The following MIDEAS variants were observed in gnomAD, a reference collection of about 807,000 sequenced individuals.
MIDEAS encodes mitotic deacetylase associated SANT domain protein.
MIDEAS carries 26 observed loss-of-function variants against 102.7 expected under a neutral mutation model. That is an observed-to-expected ratio of 0.25 (90% confidence interval 0.19 to 0.35). MIDEAS has a LOEUF of 0.35. Ranked by LOEUF, MIDEAS falls within the 10% of genes least tolerant of loss-of-function variation. MIDEAS has a pLI of 1.00. For synonymous variants in MIDEAS, 585 were observed against 591.0 expected, an observed-to-expected ratio of 0.99 and a Z score of 0.15; for missense variants, 1,231 against 1,435.6, an observed-to-expected ratio of 0.86 and a Z score of 2.30.
chr14:73,779,834 T>C (rs42976), intron 1 of MIDEAS, among the ~76,000 whole-genome samples: 12 of 134,726 alleles, frequency 8.9e-5, no homozygotes, highest in South Asian at 2.5e-4. Context: ...GCCTCGGCCT[T>C]CCAAAGTGCT....
intron 1 of MIDEAS, among the ~76,000 whole-genome samples, chr14:73,785,248 T>C (rs956949055): frequency 2.0e-5 from 3 of 152,210 alleles, no homozygotes; most frequent in African/African-American, 7.2e-5. Flanking sequence ...GTTTTAAATC[T>C]CTCTATACAA....
At chr14:73,722,528 T>C in intron 10 of MIDEAS, 170 bp downstream of exon 10, 1 of 635,752 alleles carries the variant, frequency 1.6e-6, no homozygotes, top group Non-Finnish European at 2.7e-6. Context: ...ACACCAGCAG[T>C]ATAGAGAGGA....
intron 1 of MIDEAS, among the ~76,000 whole-genome samples, chr14:73,778,900 T>A (rs1185895099): frequency 1.3e-5 from 2 of 152,040 alleles, no homozygotes; most frequent in Admixed American, 1.3e-4. Context: ...TATGATGATT[T>A]CCTAACTTAC....
At chr14:73,779,828 C>T (rs1196755951) in intron 1 of MIDEAS, among the ~76,000 whole-genome samples, 14 of 148,666 alleles carry the variant, frequency 9.4e-5, no homozygotes, top group African/African-American at 3.5e-4. Flanking sequence ...CCACCCGCCT[C>T]GGCCTTCCAA....
At chr14:73,719,842 C>G (rs1272239701) in intron 11 of MIDEAS, among the ~76,000 whole-genome samples, 1 of 151,270 alleles carries the variant, frequency 6.6e-6, no homozygotes, top group Non-Finnish European at 1.5e-5. Context: ...ATGCCCTGTT[C>G]TATAAATGAG....
chr14:73,776,995 G>A lies in MIDEAS; in HGVS notation c.-248+10107C>T, dbSNP rs533968023. Among the ~76,000 whole-genome samples, 7 of 151,996 alleles carry A rather than the reference G, an allele frequency of 4.6e-5. 1 individual carries two copies. Among genetic ancestry groups the A allele is most frequent in the East Asian group, 3.9e-4 (2 of 5,144 alleles). On this transcript the variant is annotated intron_variant, in intron 1 of 11. Coordinates refer to the MIDEAS transcript ENST00000394071. ...CTGAGGCACAGAATAGTTTGAACCC[G>A]GGAGGCGGAGGTTGCAGTGAGCCGA... is the stretch of plus-strand genomic sequence containing the variant.
At chr14:73,778,403 T>G (rs897009184) in intron 1 of MIDEAS, among the ~76,000 whole-genome samples, 4 of 149,750 alleles carry the variant, frequency 2.7e-5, no homozygotes, top group African/African-American at 9.8e-5. Context: ...ACGACTGTTG[T>G]GGTTACAGCT....
intron 1 of MIDEAS, among the ~76,000 whole-genome samples, chr14:73,774,919 C>T (rs1311969960): frequency 6.6e-6 from 1 of 152,038 alleles, no homozygotes; most frequent in African/African-American, 2.4e-5. Flanking sequence ...GTGCCAGCCA[C>T]AGATCCAAGG....
At position 73,781,734 on chromosome 14, in the gene MIDEAS, C is replaced by CAAAAA. The variant is rs72374466; in HGVS notation, c.-248+5363_-248+5367dup. ...GGGCAACAAGAGCGAAACTCTGTCT[C>CAAAAA]AAAAAAAAAAAAAAAAAAAAAACTG... is the stretch of plus-strand genomic sequence containing the variant. On this transcript the variant is annotated intron_variant, in intron 1 of 11. Transcript: ENST00000394071. Among the ~76,000 whole-genome samples the CAAAAA allele has an allele frequency of 8.2e-3, 599 of 73,434 alleles. 49 individuals are homozygous for CAAAAA. The highest frequency in any genetic ancestry group is 0.032 in the African/African-American group (513 of 16,282). 48.2% of individuals were successfully genotyped at this position (73,434 alleles called of 152,430 possible).
chr14:73,721,812 A>T (rs2052999545), intron 10 of MIDEAS, among the ~76,000 whole-genome samples: 1 of 152,122 alleles, frequency 6.6e-6, no homozygotes. Flanking sequence ...CTCGGCAATG[A>T]TGTGGTGAGC....
Position 73,721,411 on chromosome 14 carries a change from C to T in MIDEAS, c.2823G>A (p.Glu941=). 4 of 1,614,180 alleles carry T rather than the reference C, an allele frequency of 2.5e-6. No individual in the cohort carries two copies. The highest frequency in any genetic ancestry group is 3.4e-6 in the Non-Finnish European group (4 of 1,180,026). The change falls in exon 11 of 13, where the codon GAG becomes GAA. Residue 941 remains glutamate (E), a synonymous_variant. Coordinates refer to ENST00000423556, the MANE Select transcript of MIDEAS (RefSeq NM_001367710.1). ...GGATCTCTGGCACCTCCTCCTCCCCCTCCTTCCTGGGCTCCTTCACCTCCC... is the reference window on the plus strand; with the variant it reads ...GGATCTCTGGCACCTCCTCCTCCCCTTCCTTCCTGGGCTCCTTCACCTCCC... The part of the protein sequence containing the change: ...PKREVKEPRK[E]GEEEVPEIQE...
chr14:73,749,023 C>T (rs1196399794), intron 1 of MIDEAS, among the ~76,000 whole-genome samples: 1 of 152,038 alleles, frequency 6.6e-6, no homozygotes. Context: ...TTTATACATA[C>T]ACATGAGAGA....
chr14:73,746,535 G>T (rs1027152841), intron 1 of MIDEAS, among the ~76,000 whole-genome samples: 1 of 152,150 alleles, frequency 6.6e-6, no homozygotes, highest in Non-Finnish European at 1.5e-5. Context: ...TCCTGGGACC[G>T]CTGGGGTCCT....
At chr14:73,741,244 C>T (rs1009856693) in intron 1 of MIDEAS, among the ~76,000 whole-genome samples, 2 of 152,188 alleles carry the variant, frequency 1.3e-5, no homozygotes, top group East Asian at 1.9e-4. Flanking sequence ...ATTTTTGTTT[C>T]GTAACTTGAT....
rs1020113800 is a variant in MIDEAS at position 73,725,245 on chromosome 14, T to C, written c.2574+27A>G. 2 of 1,601,792 alleles carry C rather than the reference T, an allele frequency of 1.2e-6. No homozygotes were observed. Among genetic ancestry groups the C allele is most frequent in the African/African-American group, 1.3e-5 (1 of 74,688 alleles). ...TCACACAGGCAGCTCCTGGCCCTCATTTGCCCTGAAACAGAGCCCAGCTCA... is the reference window on the plus strand; with the variant it reads ...TCACACAGGCAGCTCCTGGCCCTCACTTGCCCTGAAACAGAGCCCAGCTCA... On this transcript the variant is annotated intron_variant, in intron 9 of 12. Transcript: ENST00000423556. This position sits in a 1 kb window ranked among gnomAD's most constrained non-coding sequence, Gnocchi z 4.1.
chr14:73,749,761 CT>C (rs2053399041), intron 1 of MIDEAS, among the ~76,000 whole-genome samples: 1 of 151,958 alleles, frequency 6.6e-6, no homozygotes, highest in African/African-American at 2.4e-5. Flanking sequence ...ATTTGGGAAA[CT>C]TACAGGAAAC....
intron 10 of MIDEAS, chr14:73,722,415 G>T (rs1290117836): frequency 4.3e-6 from 1 of 230,670 alleles, no homozygotes; most frequent in Non-Finnish European, 8.5e-6. Context: ...TGAGGTTTGA[G>T]AAACAGTGTT....
intron 1 of MIDEAS, among the ~76,000 whole-genome samples, chr14:73,752,150 C>A (rs1437990278): frequency 6.6e-6 from 1 of 152,158 alleles, no homozygotes; most frequent in East Asian, 1.9e-4. Context: ...CATCGCACAT[C>A]CCGAGTAGAG....
rs376018655 is a variant in MIDEAS, at chr14:73,747,587, T to G, written c.-247-7332A>C. ...TGACCCCAAACCAGGTCTCTCTCTGTCACTGTGTCAATACCCGTCTGTGTG... is the reference window on the plus strand; with the variant it reads ...TGACCCCAAACCAGGTCTCTCTCTGGCACTGTGTCAATACCCGTCTGTGTG... On this transcript the variant is annotated intron_variant, in intron 1 of 12. Transcript: ENST00000423556. Among the ~76,000 whole-genome samples the G allele has an allele frequency of 3.3e-5, 5 of 152,130 alleles. No homozygotes were observed. The South Asian group carries it at 1.0e-3, about 32-fold the overall frequency.
Sources: gnomAD v4.1 joint callset for allele counts (sites outside exome capture counted in the v4.1 genomes callset) on GRCh38, gnomAD v4.1.1 for gene constraint, Gnocchi (gnomAD v3.1) non-coding constraint, MANE v1.5 for transcripts, NCBI Gene and HGNC (gene_info 2026-07-23, HGNC 2026-07-21) for gene names.